Variants in CPN1 observed in about 807,000 individuals in gnomAD.
The protein encoded by CPN1 is carboxypeptidase N subunit 1.
Under a neutral mutation model 46.4 loss-of-function variants are expected in CPN1, and 37 were observed. That is an observed-to-expected ratio of 0.80 (90% confidence interval 0.61 to 1.05). The LOEUF is 1.05. CPN1 is among the 50% of genes least tolerant of loss of function. The pLI, the probability that CPN1 is intolerant of heterozygous loss-of-function variation, is 0.00. For missense variants in CPN1, 563 were observed against 602.6 expected (o/e 0.93, Z 0.69); for synonymous variants, 224 against 235.4 (o/e 0.95, Z 0.44).
intron 5 of CPN1, among the ~76,000 whole-genome samples, chr10:100,057,924 G>C (rs58331526): frequency 6.6e-6 from 1 of 152,188 alleles, no homozygotes; most frequent in East Asian, 1.9e-4. Context: ...GGCTAATCAG[G>C]CTAATTAGGC....
intron 6 of CPN1, among the ~76,000 whole-genome samples, chr10:100,054,690 A>C (rs2041374943): frequency 6.6e-6 from 1 of 151,922 alleles, no homozygotes. Flanking sequence ...TCAAAACCTA[A>C]CTCACTTTGA....
intron 4 of CPN1, among the ~76,000 whole-genome samples, chr10:100,064,079 G>A (rs189322090): frequency 1.3e-5 from 2 of 152,168 alleles, no homozygotes; most frequent in African/African-American, 4.8e-5. Flanking sequence ...GATATTGAAG[G>A]TCCCTTGTTT....
At chr10:100,062,492 T>C (rs927787030) in intron 5 of CPN1, among the ~76,000 whole-genome samples, 1 of 152,242 alleles carries the variant, frequency 6.6e-6, no homozygotes, top group African/African-American at 2.4e-5. Context: ...ACTGTGCTAC[T>C]TTTTAAAATA....
intron 6 of CPN1, among the ~76,000 whole-genome samples, chr10:100,056,525 T>C (rs191803934): frequency 1.3e-5 from 2 of 152,274 alleles, no homozygotes; most frequent in Admixed American, 6.5e-5. Flanking sequence ...CAGCATATAG[T>C]ACAGTTTCTG....
In CPN1 at chr10:100,070,011, C is replaced by T; in HGVS notation, c.421-142G>A. 7 of 902,904 alleles carry T rather than the reference C, an allele frequency of 7.8e-6. 1 individual carries two copies. The South Asian group carries it at 9.0e-5, about 12-fold the overall frequency. The allele number at this position is 902,904 out of a possible 1,614,324, so 55.9% of individuals were successfully genotyped here. ...AATCTTGGCTTACTGCAACCTCTAC[C>T]TACTGGGCTCAAGCAATCCTCCCAC... On this transcript the variant is annotated intron_variant, in intron 2 of 8. Transcript: ENST00000370418.
chr10:100,081,333 C>A, intron 1 of CPN1, 70 bp downstream of exon 1: 1 of 1,397,542 alleles, frequency 7.2e-7, no homozygotes, highest in South Asian at 1.2e-5. Flanking sequence ...CCCCAGAAAC[C>A]ACTCCAATTA....
rs955117066 is a variant in CPN1, at chr10:100,081,632, G to T, written c.-7C>A. ...CTGAGAGCAGGTCTGACATCTTGCT[G>T]GGCTTTTTCAAAGAGAGCCACTGAA... On this transcript the variant is annotated 5_prime_UTR_variant, in exon 1 of 9. Transcript: ENST00000370418. 2 of 1,613,292 alleles carry T rather than the reference G, an allele frequency of 1.2e-6. No individual in the cohort carries two copies. Among genetic ancestry groups the T allele is most frequent in the Non-Finnish European group, 1.7e-6 (2 of 1,179,560 alleles).
At position 100,057,022 on chromosome 10, in the gene CPN1, G is replaced by C. The variant is rs2133433073; in HGVS notation, c.1002C>G (p.Phe334Leu). 6.2e-7 allele frequency: 1 copy of C among 1,614,106 alleles called. No individual in the cohort carries two copies. The highest frequency in any genetic ancestry group is 1.3e-5 in the African/African-American group (1 of 75,022). The change falls in exon 6 of 9, where the codon TTC becomes TTG. Residue 334 changes from phenylalanine (F) to leucine (L), a missense_variant. Phe to Leu is a conservative substitution (Grantham distance 22). Coordinates refer to ENST00000370418, the MANE Select transcript of CPN1 (RefSeq NM_001308.3). Reference protein sequence around the residue: ...WLGNREALIQFLEQVHQGIKG... With the variant: ...WLGNREALIQLLEQVHQGIKG... ...ACAAATGAGATTTTACCTGTTCCAGGAACTGGATTAGGGCTTCCCGATTAC... is the reference window on the plus strand; with the variant it reads ...ACAAATGAGATTTTACCTGTTCCAGCAACTGGATTAGGGCTTCCCGATTAC...
rs1166952898 is a variant in CPN1 at position 100,075,901 on chromosome 10, G to C, written c.420+10C>G. 1.3e-5 allele frequency: 21 copies of C among 1,613,572 alleles called. No individual in the cohort carries two copies. Among genetic ancestry groups the C allele is most frequent in the Middle Eastern group, 3.5e-4 (2 of 5,788 alleles). ...TGATCTCTCCCCGGCATCTCCCTTG[G>C]ACCTCGTACCTGGGCAGCAGCCACC... On this transcript the variant is annotated intron_variant, in intron 2 of 8. Coordinates refer to ENST00000370418, the MANE Select transcript of CPN1 (RefSeq NM_001308.3).
intron 2 of CPN1, among the ~76,000 whole-genome samples, chr10:100,071,202 A>G (rs530753337): frequency 6.6e-6 from 1 of 152,224 alleles, no homozygotes; most frequent in Non-Finnish European, 1.5e-5. Context: ...TTAGTTTAAT[A>G]CTATTAGTAT....
At chr10:100,066,135 T>C (rs2041453777) in intron 3 of CPN1, among the ~76,000 whole-genome samples, 1 of 152,066 alleles carries the variant, frequency 6.6e-6, no homozygotes, top group African/African-American at 2.4e-5. Context: ...TTTGTATTTT[T>C]TGTAGAGATG....
At chr10:100,052,191 C>T (rs571278062) in intron 7 of CPN1, among the ~76,000 whole-genome samples, 1 of 152,236 alleles carries the variant, frequency 6.6e-6, no homozygotes, top group African/African-American at 2.4e-5. Flanking sequence ...CTGCCTCAGC[C>T]TCCTGAGTAG....
At chr10:100,075,784 G>T in intron 2 of CPN1, 127 bp downstream of exon 2, 1 of 1,051,348 alleles carries the variant, frequency 9.5e-7, no homozygotes, top group Non-Finnish European at 1.4e-6. Context: ...TTTTCTCTTG[G>T]CCATTTCATC....
In CPN1 at chr10:100,069,853, C is replaced by T; in HGVS notation, c.437G>A (p.Gly146Glu). The change falls in exon 3 of 9, where the codon GGG becomes GAG. Residue 146 changes from glycine (G) to glutamate (E), a missense_variant. Physicochemically the swap from Gly to Glu is moderately conservative, Grantham distance 98. Coordinates refer to ENST00000370418, the MANE Select transcript of CPN1 (RefSeq NM_001308.3). ...VAAAQGPNKP[G>E]YLVGRNNANG... ...TGCATTGTTCCTGCCAACTAGATAC[C>T]CAGGCTTGTTTGGGCCCTAAAGGAA... 6.2e-7 allele frequency: 1 copy of T among 1,613,734 alleles called. No homozygotes were observed. The highest frequency in any genetic ancestry group is 8.5e-7 in the Non-Finnish European group (1 of 1,179,976).
intron 8 of CPN1, among the ~76,000 whole-genome samples, chr10:100,044,705 T>C (rs1453848874): frequency 1.3e-5 from 2 of 150,708 alleles, no homozygotes; most frequent in African/African-American, 4.9e-5. Flanking sequence ...AACTCTGTAG[T>C]AAACAATCTT....
chr10:100,054,219 TC>T (rs1446398647), intron 7 of CPN1, 127 bp downstream of exon 7: 39 of 739,390 alleles, frequency 5.3e-5, no homozygotes, highest in Admixed American at 7.9e-5. Flanking sequence ...CTTTCCTCCA[TC>T]CCCCCCACTC....
intron 3 of CPN1, among the ~76,000 whole-genome samples, chr10:100,066,109 C>T (rs967720301): frequency 6.6e-6 from 1 of 152,106 alleles, no homozygotes; most frequent in South Asian, 2.1e-4. Context: ...GCATGCAACA[C>T]CACACCTGGC....
At chr10:100,076,301 G>A (rs2041514986) in intron 1 of CPN1, among the ~76,000 whole-genome samples, 194 bp from the exon 2 acceptor site, 1 of 152,202 alleles carries the variant, frequency 6.6e-6, no homozygotes, top group Non-Finnish European at 1.5e-5. Context: ...TGCCAGGGAT[G>A]ATAATGAGTG....
At chr10:100,072,446 A>T (rs577550031) in intron 2 of CPN1, among the ~76,000 whole-genome samples, 1 of 152,328 alleles carries the variant, frequency 6.6e-6, no homozygotes, top group South Asian at 2.1e-4. Flanking sequence ...TGGGATTAAC[A>T]GACGTGAGCC....
Sources: gnomAD v4.1 joint callset for allele counts (sites outside exome capture counted in the v4.1 genomes callset) on GRCh38, gnomAD v4.1.1 for gene constraint, MANE v1.5 for transcripts, NCBI Gene and HGNC (gene_info 2026-07-23, HGNC 2026-07-21) for gene names.